GALNTL6: variants seen among roughly 807,000 people sequenced by gnomAD.
The protein encoded by GALNTL6 is polypeptide N-acetylgalactosaminyltransferase like 6, also known as polypeptide N-acetylgalactosaminyltransferase-like 6.
GALNTL6 carries 46 observed loss-of-function variants against 73.7 expected under a neutral mutation model. The observed-to-expected ratio is 0.62, with a 90% CI of 0.49 to 0.80. The LOEUF is 0.80. Ranked by LOEUF, GALNTL6 falls within the 30% of genes least tolerant of loss-of-function variation. The pLI, the probability that GALNTL6 is intolerant of heterozygous loss-of-function variation, is 0.00. For synonymous variants in GALNTL6, 259 were observed against 263.7 expected (o/e 0.98, Z 0.17); for missense variants, 604 against 755.0 (o/e 0.80, Z 2.34).
chr4:172,835,429 G>T (rs1416224201), intron 7 of GALNTL6, among the ~76,000 whole-genome samples: 1 of 152,202 alleles, frequency 6.6e-6, no homozygotes, highest in Non-Finnish European at 1.5e-5. Context: ...GTCCAGAGAG[G>T]AAGAATGATC....
intron 8 of GALNTL6, among the ~76,000 whole-genome samples, chr4:172,905,094 G>T (rs747192930): frequency 6.6e-6 from 1 of 152,024 alleles, no homozygotes; most frequent in Non-Finnish European, 1.5e-5. Flanking sequence ...GAAAAGTAAC[G>T]GGTTAGCACT....
intron 5 of GALNTL6, among the ~76,000 whole-genome samples, chr4:172,631,104 C>A (rs1387278964): frequency 6.6e-6 from 1 of 151,168 alleles, no homozygotes; most frequent in East Asian, 1.9e-4. Flanking sequence ...CTGATTGCAA[C>A]AAAACACAGG....
chr4:172,564,701 T>A (rs1215807872), intron 5 of GALNTL6, among the ~76,000 whole-genome samples: 4 of 152,162 alleles, frequency 2.6e-5, no homozygotes, highest in Non-Finnish European at 4.4e-5. Flanking sequence ...ACAAACTAAT[T>A]GCATAGGAGA....
At chr4:172,351,589 C>T (rs1462629608) in intron 5 of GALNTL6, among the ~76,000 whole-genome samples, 1 of 152,100 alleles carries the variant, frequency 6.6e-6, no homozygotes, top group Admixed American at 6.6e-5. Flanking sequence ...TATTCTGATG[C>T]ATCTGTAGCT....
intron 5 of GALNTL6, among the ~76,000 whole-genome samples, chr4:172,606,173 A>G (rs1438979864): frequency 1.3e-5 from 2 of 152,198 alleles, no homozygotes; most frequent in Non-Finnish European, 2.9e-5. Context: ...TGAACATATA[A>G]TAGCACTATA....
At chr4:172,151,339 T>A (rs1204248104) in intron 2 of GALNTL6, among the ~76,000 whole-genome samples, 1 of 152,180 alleles carries the variant, frequency 6.6e-6, no homozygotes, top group Non-Finnish European at 1.5e-5. Context: ...TAAAAAGATT[T>A]TTTTCCGTGA....
At chr4:172,305,484 A>G (rs1033530676) in intron 3 of GALNTL6, among the ~76,000 whole-genome samples, 1 of 152,160 alleles carries the variant, frequency 6.6e-6, no homozygotes, top group Admixed American at 6.5e-5. Flanking sequence ...ACATTTGATA[A>G]TAGTAAATTA....
At chr4:172,713,665 A>G (rs539932549) in intron 5 of GALNTL6, among the ~76,000 whole-genome samples, 4 of 152,242 alleles carry the variant, frequency 2.6e-5, no homozygotes, top group South Asian at 2.1e-4. Flanking sequence ...TGGTCACTGA[A>G]TCATAGATTT....
At chr4:171,895,378 C>T (rs1421309746) in intron 2 of GALNTL6, among the ~76,000 whole-genome samples, 1 of 152,072 alleles carries the variant, frequency 6.6e-6, no homozygotes, top group East Asian at 1.9e-4. Context: ...ACTCTGTTTT[C>T]TGGAGTAGGG....
At chr4:172,940,887 G>A (rs183166408) in intron 9 of GALNTL6, among the ~76,000 whole-genome samples, 34 of 152,080 alleles carry the variant, frequency 2.2e-4, no homozygotes, top group African/African-American at 7.7e-4. Context: ...TGCTAAGGCT[G>A]GTCTCAAACT....
chr4:172,045,780 AAAG>A (rs1393493633), intron 2 of GALNTL6, among the ~76,000 whole-genome samples: 1 of 151,802 alleles, frequency 6.6e-6, no homozygotes, highest in Non-Finnish European at 1.5e-5. Context: ...AAAAAAGAAA[AAAG>A]AAAAACTAAA....
At chr4:172,665,726 A>G (rs557778813) in intron 5 of GALNTL6, among the ~76,000 whole-genome samples, 1 of 152,370 alleles carries the variant, frequency 6.6e-6, no homozygotes, top group East Asian at 1.9e-4. Flanking sequence ...AGCACAAGGA[A>G]TGGAATGAAC....
chr4:172,987,404 A>C (rs918163076), intron 10 of GALNTL6, among the ~76,000 whole-genome samples: 1 of 152,148 alleles, frequency 6.6e-6, no homozygotes, highest in Non-Finnish European at 1.5e-5. Context: ...TGTGAGGGTA[A>C]CCACCCCCAT....
At position 172,398,862 on chromosome 4, in the gene GALNTL6, GT is replaced by G. The variant is rs1284175319; in HGVS notation, c.553+50182del. Among the ~76,000 whole-genome samples the G allele has an allele frequency of 3.3e-5, 5 of 150,632 alleles. No individual in the cohort carries two copies. In the East Asian group the frequency reaches 5.9e-4, roughly 18 times the overall value. The stretch of plus-strand genomic sequence containing the variant: ...CTGCCCTGCCCTTGCCAATGTTTGG[GT>G]TTTTTTTTCTTATGGACAAGCCGAC... On this transcript the variant is annotated intron_variant, in intron 5 of 12. Coordinates refer to ENST00000506823, the MANE Select transcript of GALNTL6 (RefSeq NM_001034845.3).
At chr4:172,012,329 C>T (rs1741036678) in intron 2 of GALNTL6, among the ~76,000 whole-genome samples, 1 of 152,082 alleles carries the variant, frequency 6.6e-6, no homozygotes. Flanking sequence ...CTGAGCAGCC[C>T]AAGTACAACC....
intron 8 of GALNTL6, among the ~76,000 whole-genome samples, chr4:172,919,771 G>A (rs568328810): frequency 6.6e-6 from 1 of 152,142 alleles, no homozygotes; most frequent in South Asian, 2.1e-4. Flanking sequence ...ATGAATTAAG[G>A]GAAATGACAG....
chr4:172,555,230 A>G (rs1309667086), intron 5 of GALNTL6, among the ~76,000 whole-genome samples: 2 of 152,184 alleles, frequency 1.3e-5, no homozygotes, highest in African/African-American at 2.4e-5. Flanking sequence ...AGACTCACCA[A>G]CATTGTTTCA....
intron 5 of GALNTL6, among the ~76,000 whole-genome samples, chr4:172,799,445 A>T (rs922720910): frequency 1.3e-5 from 2 of 152,168 alleles, no homozygotes; most frequent in African/African-American, 2.4e-5. Context: ...TATTGAAAGC[A>T]TTTGTCATTG....
chr4:172,057,392 T>A (rs1414142796), intron 2 of GALNTL6, among the ~76,000 whole-genome samples: 3 of 151,110 alleles, frequency 2.0e-5, no homozygotes, highest in South Asian at 2.1e-4. Flanking sequence ...AAGTAGCTTT[T>A]AAAAAAAAGT....
Sources: allele counts gnomAD v4.1 joint callset (sites outside exome capture counted in the v4.1 genomes callset), GRCh38; gene constraint gnomAD v4.1.1; transcripts MANE v1.5; gene names NCBI Gene and HGNC (gene_info 2026-07-23, HGNC 2026-07-21).